FSTL5: variants seen among roughly 807,000 people sequenced by gnomAD.
The protein encoded by FSTL5 is follistatin-related protein 5.
A neutral mutation model predicts 89.1 loss-of-function variants in FSTL5; 62 were observed. The ratio of observed to expected loss-of-function variants is 0.70; its 90% CI spans 0.57 to 0.86. FSTL5 has a LOEUF of 0.86. Ranked by LOEUF, FSTL5 falls within the 40% of genes least tolerant of loss-of-function variation. FSTL5 has a pLI of 0.00. For missense variants in FSTL5, 1,057 were observed against 1,001.6 expected (o/e 1.06, Z -0.75); for synonymous variants, 383 against 346.2 (o/e 1.11, Z -1.18).
chr4:161,896,950 T>C (rs900076721), intron 4 of FSTL5, among the ~76,000 whole-genome samples: 1 of 152,106 alleles, frequency 6.6e-6, no homozygotes, highest in Non-Finnish European at 1.5e-5. Context: ...GTTTGTTTTA[T>C]GAGATGAAGT....
intron 15 of FSTL5, among the ~76,000 whole-genome samples, chr4:161,425,047 C>T (rs908732495): frequency 6.6e-6 from 1 of 152,254 alleles, no homozygotes; most frequent in Admixed American, 6.5e-5. Context: ...GAGCCAGCCT[C>T]AATTCATGAA....
intron 2 of FSTL5, among the ~76,000 whole-genome samples, chr4:162,048,702 T>A (rs973553328): frequency 6.6e-6 from 1 of 151,968 alleles, no homozygotes; most frequent in African/African-American, 2.4e-5. Flanking sequence ...TAGAATAAAG[T>A]CATCAAGAAA....
intron 2 of FSTL5, among the ~76,000 whole-genome samples, chr4:162,078,630 T>G (rs78572677): frequency 0.015 from 2,260 of 151,938 alleles, 52 homozygotes; most frequent in African/African-American, 0.051. Flanking sequence ...GCTTCAAGTT[T>G]TGTTACTTTA....
At chr4:161,991,438 T>C (rs1473543918) in intron 3 of FSTL5, among the ~76,000 whole-genome samples, 1 of 152,180 alleles carries the variant, frequency 6.6e-6, no homozygotes, top group African/African-American at 2.4e-5. Context: ...TGGTCTAACA[T>C]TTTAAGATAT....
At chr4:161,437,567 A>AAAAAAAAAAC (rs2126358059) in intron 15 of FSTL5, among the ~76,000 whole-genome samples, 1 of 103,884 alleles carries the variant, frequency 9.6e-6, no homozygotes, top group East Asian at 2.2e-4. Context: ...CTCCGTCTCA[A>AAAAAAAAAAC]AAAAAAAAAA....
chr4:161,877,196 A>AT (rs1732472668), intron 4 of FSTL5, among the ~76,000 whole-genome samples: 1 of 151,002 alleles, frequency 6.6e-6, no homozygotes, highest in Non-Finnish European at 1.5e-5. Flanking sequence ...AAAAAAAAAA[A>AT]AATTACTATG....
intron 4 of FSTL5, among the ~76,000 whole-genome samples, chr4:161,791,801 C>G (rs2126820849): frequency 6.6e-6 from 1 of 152,306 alleles, no homozygotes. Flanking sequence ...AATTCCAAGA[C>G]AGCATTGCTT....
At chr4:162,072,372 GGTGAAATGAAA>G (rs1729662756) in intron 2 of FSTL5, among the ~76,000 whole-genome samples, 1 of 151,606 alleles carries the variant, frequency 6.6e-6, no homozygotes, top group Non-Finnish European at 1.5e-5. Flanking sequence ...AGACTATAAA[GGTGAAATGAAA>G]TACAAAACAA....
chr4:161,544,469 G>C, intron 8 of FSTL5, among the ~76,000 whole-genome samples: 1 of 151,912 alleles, frequency 6.6e-6, no homozygotes, highest in East Asian at 1.9e-4. Flanking sequence ...TTGTTGCTAG[G>C]GACTGAGGAA....
chr4:161,948,150 G>T (rs1734787193), intron 3 of FSTL5, among the ~76,000 whole-genome samples: 1 of 151,588 alleles, frequency 6.6e-6, no homozygotes, highest in South Asian at 2.1e-4. Flanking sequence ...GGGTGTAGTT[G>T]TGTGCACTTA....
At chr4:161,580,660 T>A (rs1442468648) in intron 8 of FSTL5, among the ~76,000 whole-genome samples, 2 of 152,186 alleles carry the variant, frequency 1.3e-5, no homozygotes, top group African/African-American at 4.8e-5. Flanking sequence ...TCTTACCCAC[T>A]GATTTGTGTC....
At chr4:161,926,919 T>C (rs1023226823) in intron 3 of FSTL5, among the ~76,000 whole-genome samples, 1 of 151,838 alleles carries the variant, frequency 6.6e-6, no homozygotes, top group Admixed American at 6.6e-5. Context: ...TTAGAACTAC[T>C]TTAACATTAT....
intron 4 of FSTL5, among the ~76,000 whole-genome samples, chr4:161,846,640 T>C (rs1731378891): frequency 1.3e-5 from 2 of 152,184 alleles, no homozygotes. Context: ...TCATTTTTTT[T>C]CTTAAAACCA....
At position 161,871,030 on chromosome 4, in the gene FSTL5, C is replaced by A. The variant is rs576022146; in HGVS notation, c.409+49374G>T. On this transcript the variant is annotated intron_variant, in intron 4 of 15. Transcript: ENST00000306100. Reference sequence around the variant, plus strand: ...AAACCACGGATGCAGTAAACACATACTACTTTCATAATATTTTTTTCCAGG... The same window carrying A: ...AAACCACGGATGCAGTAAACACATAATACTTTCATAATATTTTTTTCCAGG... 9.2e-5 allele frequency among the ~76,000 whole-genome samples: 14 copies of A among 152,150 alleles called. No individual in the cohort carries two copies. In the East Asian group the frequency reaches 2.7e-3, roughly 29 times the overall value.
chr4:161,562,865 C>T (rs1280627486), intron 8 of FSTL5, among the ~76,000 whole-genome samples: 1 of 151,918 alleles, frequency 6.6e-6, no homozygotes, highest in Non-Finnish European at 1.5e-5. Context: ...TTTTAGACTC[C>T]TGAAAGTACC....
chr4:161,612,099 TATA>T (rs1734676296), intron 7 of FSTL5, among the ~76,000 whole-genome samples: 2 of 152,220 alleles, frequency 1.3e-5, no homozygotes, highest in South Asian at 4.1e-4. Flanking sequence ...TTGTGTTCTT[TATA>T]ATAATTAACA....
intron 14 of FSTL5, among the ~76,000 whole-genome samples, chr4:161,457,285 A>G (rs888254322): frequency 6.6e-6 from 1 of 152,222 alleles, no homozygotes; most frequent in Non-Finnish European, 1.5e-5. Flanking sequence ...TTTTTAAAGG[A>G]TACTTCTCAA....
chr4:161,485,459 G>A (rs1450571898), intron 12 of FSTL5, among the ~76,000 whole-genome samples: 1 of 152,118 alleles, frequency 6.6e-6, no homozygotes, highest in African/African-American at 2.4e-5. Context: ...TTCCTCCGCT[G>A]TCACCTTCTA....
At chr4:161,745,845 T>C (rs186648689) in intron 6 of FSTL5, among the ~76,000 whole-genome samples, 4 of 152,266 alleles carry the variant, frequency 2.6e-5, no homozygotes, top group East Asian at 3.9e-4. Context: ...AAATGAATTA[T>C]GGTCAATGGA....
Sources: allele counts gnomAD v4.1 joint callset (sites outside exome capture counted in the v4.1 genomes callset), GRCh38; gene constraint gnomAD v4.1.1; transcripts MANE v1.5; gene names NCBI Gene and HGNC (gene_info 2026-07-23, HGNC 2026-07-21).